The following GTF2H1 variants were observed in gnomAD, a reference collection of about 807,000 sequenced individuals.
The protein encoded by GTF2H1 is BTF2 p62.
GTF2H1 carries 16 observed loss-of-function variants against 71.2 expected under a neutral mutation model. The observed-to-expected ratio is 0.22, with a 90% CI of 0.15 to 0.34. GTF2H1 has a LOEUF of 0.34. Among genes scored for constraint, GTF2H1 ranks in the 10% least tolerant of loss-of-function variants. The pLI, the probability that GTF2H1 is intolerant of heterozygous loss-of-function variation, is 1.00. For missense variants in GTF2H1, 498 were observed against 648.2 expected (o/e 0.77, Z 2.52); for synonymous variants, 215 against 219.0 (o/e 0.98, Z 0.16).
chr11:18,327,871 G>A (rs1417844358), intron 1 of GTF2H1, among the ~76,000 whole-genome samples: 1 of 152,148 alleles, frequency 6.6e-6, no homozygotes, highest in Non-Finnish European at 1.5e-5. Context: ...TTATAGACGT[G>A]AGCCACCCTG....
chr11:18,365,795 A>G lies in GTF2H1; in HGVS notation c.1573A>G (p.Ile525Val), dbSNP rs61754646. The change falls in exon 15 of 15, where the codon ATA becomes GTA. Residue 525 changes from isoleucine to valine, a missense_variant. Coordinates refer to ENST00000265963, the MANE Select transcript of GTF2H1 (RefSeq NM_005316.4). ...CTGTGTTTTTCAGTTGGTAAGTCAC[A>G]TAGAAGAGATGCTCCAGACAGCCTA... is the stretch of plus-strand genomic sequence containing the variant. ...QYLSTNLVSH[I>V]EEMLQTAYNK... The G allele has an allele frequency of 6.4e-3, 10,331 of 1,612,876 alleles. 47 individuals carry two copies. The highest frequency in any genetic ancestry group is 8.0e-3 in the Non-Finnish European group (9,439 of 1,178,862).
Position 18,333,056 on chromosome 11 carries a change from TTAGCACCTTC to T in GTF2H1, c.-14_-5del. On this transcript the variant is annotated splice_acceptor_variant and splice_polypyrimidine_tract_variant and 5_prime_UTR_variant and intron_variant, in exon 2 of 15. Transcript: ENST00000265963. LOFTEE classifies it low-confidence loss of function (5UTR_SPLICE). ...TTTTTCTTCATCTTTTTTTTCTCTCTTAGCACCTTCTAGCCACCATGGCAACCTCATCTGA... is the reference window on the plus strand; with the variant it reads ...TTTTTCTTCATCTTTTTTTTCTCTCTTAGCCACCATGGCAACCTCATCTGA... 1 of 1,600,980 alleles carries T rather than the reference TTAGCACCTTC, an allele frequency of 6.2e-7. No homozygotes were observed. The highest frequency in any genetic ancestry group is 8.5e-7 in the Non-Finnish European group (1 of 1,175,660).
rs1864533316 is a variant in GTF2H1 at position 18,322,731 on chromosome 11, C to T, written c.-25C>T. ...AGTTACTTCCTGTCTAGAGTTGTAG[C>T]TTCCACCTGGTAAGTTTAGACCGAA... On this transcript the variant is annotated 5_prime_UTR_variant, in exon 1 of 15. Coordinates refer to ENST00000265963, the MANE Select transcript of GTF2H1 (RefSeq NM_005316.4). 1 of 145,202 alleles carries T rather than the reference C, an allele frequency of 6.9e-6. No individual in the cohort carries two copies. Among genetic ancestry groups the T allele is most frequent in the African/African-American group, 2.6e-5 (1 of 39,200 alleles). 9.0% of individuals were successfully genotyped at this position (145,202 alleles called of 1,614,324 possible).
At chr11:18,350,347 G>A (rs1429746840) in intron 9 of GTF2H1, among the ~76,000 whole-genome samples, 1 of 152,102 alleles carries the variant, frequency 6.6e-6, no homozygotes, top group African/African-American at 2.4e-5. Flanking sequence ...GGCAACAGCA[G>A]GGGTAGAGAT....
intron 13 of GTF2H1, among the ~76,000 whole-genome samples, chr11:18,359,052 C>T (rs1865636222): frequency 6.6e-6 from 1 of 152,094 alleles, no homozygotes. Context: ...GGACAGTTGA[C>T]AAATGAAAAA....
chr11:18,341,041 T>A (rs1298409468), intron 5 of GTF2H1, among the ~76,000 whole-genome samples: 2 of 152,208 alleles, frequency 1.3e-5, no homozygotes, highest in Non-Finnish European at 2.9e-5. Context: ...ATTCTTTTGG[T>A]GCAAATAAGG....
chr11:18,349,503 T>C (rs1865378964), intron 9 of GTF2H1, among the ~76,000 whole-genome samples: 1 of 152,068 alleles, frequency 6.6e-6, no homozygotes, highest in African/African-American at 2.4e-5. Context: ...GCCAGCATGG[T>C]GAAACCCTGT....
chr11:18,353,283 G>A (rs374859925), intron 11 of GTF2H1, among the ~76,000 whole-genome samples: 18 of 152,096 alleles, frequency 1.2e-4, no homozygotes, highest in African/African-American at 2.7e-4. Context: ...TTATCACTGC[G>A]GCTTGAAAAC....
rs773503519 is a variant in GTF2H1, at chr11:18,351,935, A to C, written c.1108A>C (p.Lys370Gln). 9 of 1,600,432 alleles carry C rather than the reference A, an allele frequency of 5.6e-6. No homozygotes were observed. Among genetic ancestry groups the C allele is most frequent in the Non-Finnish European group, 6.9e-6 (8 of 1,167,764 alleles). ...YEDLGKNNSVKTIALNLKKSD... is the reference protein window; with the variant it reads ...YEDLGKNNSVQTIALNLKKSD... ...AGACTTGGGGAAAAATAATTCTGTAAAAACGATTGCACTAAACCTCAAGAA... is the reference window on the plus strand; with the variant it reads ...AGACTTGGGGAAAAATAATTCTGTACAAACGATTGCACTAAACCTCAAGAA... Residue 370 changes from lysine to glutamine, a missense_variant, in exon 10 of 15, where the codon AAA becomes CAA. Lys to Gln is a moderately conservative substitution (Grantham distance 53). Coordinates refer to ENST00000265963, the MANE Select transcript of GTF2H1 (RefSeq NM_005316.4).
chr11:18,341,426 T>A lies in GTF2H1; in HGVS notation c.757+16T>A. ...GATGAAAAAGGTAACTGTTTATCTC[T>A]GATAGACACTGGTATTTAACTTGCC... On this transcript the variant is annotated intron_variant, in intron 6 of 14. Transcript: ENST00000265963. 1 of 1,611,526 alleles carries A rather than the reference T, an allele frequency of 6.2e-7. No homozygotes were observed. Among genetic ancestry groups the A allele is most frequent in the African/African-American group, 1.3e-5 (1 of 75,010 alleles).
At chr11:18,324,497 A>G (rs1214844475) in intron 1 of GTF2H1, among the ~76,000 whole-genome samples, 1 of 152,164 alleles carries the variant, frequency 6.6e-6, no homozygotes. Context: ...TACTGCCCTC[A>G]AGGCTTGTAA....
intron 9 of GTF2H1, among the ~76,000 whole-genome samples, chr11:18,350,676 A>G (rs1590194124): frequency 6.6e-6 from 1 of 152,214 alleles, no homozygotes; most frequent in African/African-American, 2.4e-5. Flanking sequence ...TTTCAGATTG[A>G]CGTTTTTTGA....
At chr11:18,348,632 T>C (rs938548290) in intron 9 of GTF2H1, 7 of 152,240 alleles carry the variant, frequency 4.6e-5, no homozygotes, top group Non-Finnish European at 7.3e-5. Context: ...GATTCTGTTA[T>C]CTGTGTTGCA....
rs756403929 is a variant in GTF2H1 at position 18,360,129 on chromosome 11, G to A, written c.1468-486G>A. ...TTTAAATGAGTTGGGATTTTTTGTT[G>A]TTTTTGTTTTTTGAGATGGAGTCTC... On this transcript the variant is annotated intron_variant, in intron 13 of 14. Coordinates refer to ENST00000265963, the MANE Select transcript of GTF2H1 (RefSeq NM_005316.4). Among the ~76,000 whole-genome samples the A allele has an allele frequency of 7.9e-5, 12 of 151,304 alleles. No individual in the cohort carries two copies. In the South Asian group the frequency reaches 2.5e-3, roughly 32 times the overall value.
In GTF2H1 at chr11:18,339,556, T is replaced by C. The variant is rs759707180; in HGVS notation, c.514-8T>C. ...CTAACGTGTATGTGTGTATGGGCTT[T>C]GTTTTAGGCTGATGTCCGGCCCCAA... On this transcript the variant is annotated splice_region_variant and splice_polypyrimidine_tract_variant and intron_variant, in intron 4 of 14. Transcript: ENST00000265963. The C allele has an allele frequency of 8.7e-6, 14 of 1,601,490 alleles. No homozygotes were observed. The highest frequency in any genetic ancestry group is 1.1e-5 in the Non-Finnish European group (13 of 1,168,876).
chr11:18,330,284 G>C (rs1378703253), intron 1 of GTF2H1, among the ~76,000 whole-genome samples: 2 of 152,174 alleles, frequency 1.3e-5, no homozygotes, highest in African/African-American at 4.8e-5. Context: ...GGTAGCAACT[G>C]TCTGAAGCTG....
intron 7 of GTF2H1, among the ~76,000 whole-genome samples, chr11:18,343,948 G>C (rs571577698): frequency 5.3e-5 from 8 of 152,222 alleles, no homozygotes; most frequent in African/African-American, 1.9e-4. Flanking sequence ...ATCTGCCTTA[G>C]GCTCCTGAGT....
At chr11:18,335,996 T>C (rs140473741) in intron 3 of GTF2H1, 50 bp downstream of exon 3, 1 of 1,366,656 alleles carries the variant, frequency 7.3e-7, no homozygotes, top group African/African-American at 1.4e-5. Flanking sequence ...TTCTCTATAG[T>C]CTCCTAGTAT....
intron 7 of GTF2H1, among the ~76,000 whole-genome samples, chr11:18,344,616 CAA>C (rs201176508): frequency 0.59 from 58,814 of 99,658 alleles, 13,962 homozygotes; most frequent in Admixed American, 0.64. Context: ...GAGACTGTCT[CAA>C]AAAAAAAAAA....
Sources: gnomAD v4.1 joint callset for allele counts (sites outside exome capture counted in the v4.1 genomes callset) on GRCh38, gnomAD v4.1.1 for gene constraint, MANE v1.5 for transcripts, NCBI Gene and HGNC (gene_info 2026-07-23, HGNC 2026-07-21) for gene names.